Variants in ACTN3 observed in about 807,000 individuals in gnomAD.
ACTN3 encodes actinin alpha 3, also known as alpha-actinin-3.
ACTN3 carries 91 observed loss-of-function variants against 119.6 expected under a neutral mutation model. The ratio of observed to expected loss-of-function variants is 0.76; its 90% CI spans 0.64 to 0.91. The LOEUF (loss-of-function observed/expected upper bound fraction) is 0.91. Ranked by LOEUF, ACTN3 falls within the 40% of genes least tolerant of loss-of-function variation. The probability of loss-of-function intolerance (pLI) is 0.00; values close to 1 mark genes in which losing one functional copy is unlikely to be tolerated. For missense variants in ACTN3, 1,221 were observed against 1,215.1 expected, an observed-to-expected ratio of 1.00 and a Z score of -0.07; for synonymous variants, 456 against 478.8, an observed-to-expected ratio of 0.95 and a Z score of 0.62.
At chr11:66,548,170 CAGG>C (rs1314835089) in intron 1 of ACTN3, among the ~76,000 whole-genome samples, 1 of 152,156 alleles carries the variant, frequency 6.6e-6, no homozygotes, top group African/African-American at 2.4e-5. Flanking sequence ...GGTTAGATGA[CAGG>C]AGATGACCCC....
At chr11:66,555,395 C>A (rs1166572870) in intron 7 of ACTN3, 28 bp downstream of exon 7, 7 of 1,608,484 alleles carry the variant, frequency 4.4e-6, no homozygotes, top group Non-Finnish European at 6.0e-6. Flanking sequence ...CAGGGGAAGA[C>A]CCCACATTCT....
chr11:66,555,141 G>C lies in ACTN3; in HGVS notation c.569G>C (p.Gly190Ala), dbSNP rs1463781047. 3 of 1,613,960 alleles carry C rather than the reference G, an allele frequency of 1.9e-6. No homozygotes were observed. The highest frequency in any genetic ancestry group is 2.5e-6 in the Non-Finnish European group (3 of 1,179,954). ...TTCTCTCTGTCCAGCTGGAAGGATG[G>C]CCTGGCCCTCTGTGCCCTCATCCAC... ...VQNFHTSWKD[G>A]LALCALIHRH... is the part of the protein sequence containing the mutation. The change falls in exon 6 of 21, where the codon GGC becomes GCC. Residue 190 changes from glycine (G) to alanine (A), a missense_variant. Physicochemically the swap from Gly to Ala is moderately conservative, Grantham distance 60 (BLOSUM62 0). Coordinates refer to ENST00000513398, the MANE Select transcript of ACTN3 (RefSeq NM_001104.4).
In ACTN3 at chr11:66,556,164, G is replaced by T. The variant is rs769252562; in HGVS notation, c.738G>T (p.Lys246Asn). 2 of 1,613,796 alleles carry T rather than the reference G, an allele frequency of 1.2e-6. No homozygotes were observed. The highest frequency in any genetic ancestry group is 1.7e-6 in the Non-Finnish European group (2 of 1,179,850). Residue 246 changes from lysine (K) to asparagine (N), a missense_variant, in exon 8 of 21, where the codon AAG becomes AAT. Physicochemically the swap from Lys to Asn is moderately conservative, Grantham distance 94. This residue lies in a region of ACTN3 where 934 missense variants were observed against 899.9 expected (regional missense o/e 1.04). Transcript: ENST00000513398. ...CCCTAGACATTGTGAACACCCCAAA[G>T]CCGGATGAGAAGGCCATCATGACCT... is the stretch of plus-strand genomic sequence containing the variant. ...LDAEDIVNTPKPDEKAIMTYV... is the reference protein window; with the variant it reads ...LDAEDIVNTPNPDEKAIMTYV...
In ACTN3 at chr11:66,551,734, C is replaced by T. The variant is rs542346493; in HGVS notation, c.382+87C>T. Reference sequence around the variant, plus strand: ...TCACCTCTGTGAGCCTCAGTTTCCTCATCTCAGCAATGAGAATAATCCCTG... The same window carrying T: ...TCACCTCTGTGAGCCTCAGTTTCCTTATCTCAGCAATGAGAATAATCCCTG... On this transcript the variant is annotated intron_variant, in intron 3 of 20. Transcript: ENST00000513398. 3.6e-5 allele frequency: 56 copies of T among 1,555,896 alleles called. 1 individual carries two copies. In the South Asian group the frequency reaches 3.6e-4, roughly 10 times the overall value.
At chr11:66,561,135 A>AG (rs1740917548) in intron 15 of ACTN3, 92 bp from the exon 16 acceptor site, 1 of 1,432,680 alleles carries the variant, frequency 7.0e-7, no homozygotes, top group Non-Finnish European at 9.2e-7. Context: ...TCAAAGCAAC[A>AG]GGGGCTGAGG....
intron 11 of ACTN3, among the ~76,000 whole-genome samples, chr11:66,558,401 A>G (rs1228837080): frequency 6.6e-6 from 1 of 152,170 alleles, no homozygotes; most frequent in African/African-American, 2.4e-5. Context: ...TTTTTGAGAC[A>G]GAGTCTTGCT....
chr11:66,561,932 C>T, intron 17 of ACTN3, 90 bp from the exon 18 acceptor site: 2 of 1,493,350 alleles, frequency 1.3e-6, no homozygotes, highest in South Asian at 2.5e-5. Context: ...GAGGACTTGC[C>T]CAGGGTCATT....
At chr11:66,557,559 C>A in intron 9 of ACTN3, 140 bp from the exon 10 acceptor site, 1 of 851,608 alleles carries the variant, frequency 1.2e-6, no homozygotes, top group Non-Finnish European at 1.8e-6. Context: ...CTTGTGGGGA[C>A]TACCCCATCC....
chr11:66,546,911 C>T lies in ACTN3; in HGVS notation c.-27C>T, dbSNP rs756688877. 6.5e-7 allele frequency: 1 copy of T among 1,528,746 alleles called. No homozygotes were observed. The allele number at this position is 1,528,746 out of a possible 1,614,324, so 94.7% of individuals were successfully genotyped here. On this transcript the variant is annotated 5_prime_UTR_variant, in exon 1 of 21. Coordinates refer to ENST00000513398, the MANE Select transcript of ACTN3 (RefSeq NM_001104.4). ...CCCGGGTGTCCGAGAGCGTGCCGAG[C>T]GGAGCGAAGCCAGGAGCCCGATCGA...
intron 1 of ACTN3, among the ~76,000 whole-genome samples, chr11:66,550,047 A>G (rs555651352): frequency 7.2e-5 from 11 of 152,276 alleles, no homozygotes; most frequent in Admixed American, 7.2e-4. Context: ...TGAGGGGAAG[A>G]ATTCCAAATG....
Position 66,558,133 on chromosome 11 carries a change from A to T in ACTN3, c.1235A>T (p.Lys412Met), listed in dbSNP as rs763352082. 6.2e-7 allele frequency: 1 copy of T among 1,613,878 alleles called. No homozygotes were observed. The highest frequency in any genetic ancestry group is 8.5e-7 in the Non-Finnish European group (1 of 1,179,888). Reference protein sequence around the residue: ...RLQRLQHLAEKFRQKASLHEA... With the variant: ...RLQRLQHLAEMFRQKASLHEA... Reference sequence around the variant, plus strand: ...CAGCGACTCCAGCACCTGGCTGAGAAGTTCCGGCAGAAGGCCTCCCTGCAC... The same window carrying T: ...CAGCGACTCCAGCACCTGGCTGAGATGTTCCGGCAGAAGGCCTCCCTGCAC... The change falls in exon 11 of 21, where the codon AAG (lysine) becomes ATG (methionine). Residue 412 changes from lysine to methionine, a missense_variant. Transcript: ENST00000513398.
At chr11:66,546,745 C>T, upstream of ACTN3, 1 of 1,535,750 alleles carries the variant, frequency 6.5e-7, no homozygotes, top group Non-Finnish European at 8.7e-7. Context: ...CCCGGCGCCC[C>T]CGAGTCCCGC....
rs1001571411 is a variant in ACTN3, at chr11:66,554,012, A to C, written c.383-33A>C. 6.3e-6 allele frequency: 10 copies of C among 1,599,770 alleles called. No individual in the cohort carries two copies. The African/African-American group carries it at 8.0e-5, about 13-fold the overall frequency. On this transcript the variant is annotated intron_variant, in intron 3 of 20. Transcript: ENST00000513398. Reference sequence around the variant, plus strand: ...CCAGATAGCACAGACCTTGAATGCCAGGCAAATCTGTCCCCTGACCCCTGC... The same window carrying C: ...CCAGATAGCACAGACCTTGAATGCCCGGCAAATCTGTCCCCTGACCCCTGC...
At chr11:66,552,851 GTCTCTC>G (rs564902238) in intron 3 of ACTN3, among the ~76,000 whole-genome samples, 18 of 131,382 alleles carry the variant, frequency 1.4e-4, no homozygotes, top group East Asian at 2.2e-4. Flanking sequence ...GAGAGACTCT[GTCTCTC>G]TCTCTCTCTC....
chr11:66,547,121 G>GC, intron 1 of ACTN3, 37 bp downstream of exon 1: 2 of 1,466,878 alleles, frequency 1.4e-6, no homozygotes, highest in South Asian at 3.0e-5. Flanking sequence ...CAAAACCGAG[G>GC]CCTGAGAGGC....
chr11:66,561,679 G>C (rs767303814), intron 17 of ACTN3, 42 bp downstream of exon 17: 1 of 1,578,806 alleles, frequency 6.3e-7, no homozygotes, highest in East Asian at 2.3e-5. Flanking sequence ...GGCAGCACTG[G>C]CTGAGGAGGC....
Position 66,556,307 on chromosome 11 carries a change from C to T in ACTN3, c.804+77C>T, listed in dbSNP as rs1294314967. ...CTTGGCTGTAGTCCAACATTGGAGGCGCCAGACCACGGAGGTTGGAGTGCC... is the reference window on the plus strand; with the variant it reads ...CTTGGCTGTAGTCCAACATTGGAGGTGCCAGACCACGGAGGTTGGAGTGCC... On this transcript the variant is annotated intron_variant, in intron 8 of 20. Coordinates refer to ENST00000513398, the MANE Select transcript of ACTN3 (RefSeq NM_001104.4). The T allele has an allele frequency of 1.7e-5, 24 of 1,406,712 alleles. No homozygotes were observed. The East Asian group carries it at 2.1e-4, about 12-fold the overall frequency. 87.1% of individuals were successfully genotyped at this position (1,406,712 alleles called of 1,614,324 possible). A position where few individuals can be genotyped will look rare whatever the true frequency, so the allele number is the denominator to read the frequency against.
chr11:66,557,571 G>A, intron 9 of ACTN3, 128 bp from the exon 10 acceptor site: 1 of 953,204 alleles, frequency 1.0e-6, no homozygotes, highest in Non-Finnish European at 1.6e-6. Context: ...ACCCCATCCT[G>A]CTTTCGTAGT....
intron 11 of ACTN3, 170 bp downstream of exon 11, chr11:66,558,344 G>T: frequency 3.6e-6 from 2 of 553,022 alleles, no homozygotes; most frequent in South Asian, 1.6e-4. Context: ...TGCAACCTAG[G>T]CCTCTCTTTT....
Sources: gnomAD v4.1 joint callset for allele counts (sites outside exome capture counted in the v4.1 genomes callset) on GRCh38, gnomAD v4.1.1 for gene constraint, gnomAD v4.1.1 regional missense constraint, MANE v1.5 for transcripts, NCBI Gene and HGNC (gene_info 2026-07-23, HGNC 2026-07-21) for gene names.